The following MACROD2 variants were observed in gnomAD, a reference collection of about 807,000 sequenced individuals.
MACROD2 encodes the protein mono-ADP ribosylhydrolase 2.
In MACROD2, 36 loss-of-function variants were observed where a neutral mutation model predicts 70.4. That is an observed-to-expected ratio of 0.51 (90% CI 0.39 to 0.68). The LOEUF (loss-of-function observed/expected upper bound fraction) is 0.68. MACROD2 is among the 30% of genes least tolerant of loss of function. The pLI is 0.00. For missense variants in MACROD2, 496 were observed against 538.4 expected, an observed-to-expected ratio of 0.92 and a Z score of 0.78; for synonymous variants, 172 against 178.8, an observed-to-expected ratio of 0.96 and a Z score of 0.30.
intron 5 of MACROD2, among the ~76,000 whole-genome samples, chr20:14,860,131 TGTG>T (rs2073298513): frequency 6.6e-6 from 1 of 152,118 alleles, no homozygotes; most frequent in South Asian, 2.1e-4. Flanking sequence ...AGGGAGACCA[TGTG>T]ATAAAACCTT....
intron 8 of MACROD2, among the ~76,000 whole-genome samples, chr20:15,557,823 C>T (rs986008323): frequency 1.3e-5 from 2 of 152,130 alleles, no homozygotes; most frequent in African/African-American, 2.4e-5. Flanking sequence ...TACTGAACTC[C>T]AGCAGATTAC....
chr20:14,174,767 C>T (rs906509017), intron 3 of MACROD2, among the ~76,000 whole-genome samples: 1 of 152,162 alleles, frequency 6.6e-6, no homozygotes, highest in African/African-American at 2.4e-5. Flanking sequence ...GGTCTTTTCC[C>T]AGTTCCTTTG....
At chr20:14,184,418 T>A (rs1486383552) in intron 3 of MACROD2, among the ~76,000 whole-genome samples, 1 of 152,184 alleles carries the variant, frequency 6.6e-6, no homozygotes, top group African/African-American at 2.4e-5. Flanking sequence ...CATGCTGTTT[T>A]GGTTATTGTA....
chr20:15,274,237 C>T (rs998931439), intron 6 of MACROD2, among the ~76,000 whole-genome samples: 1 of 152,160 alleles, frequency 6.6e-6, no homozygotes, highest in Non-Finnish European at 1.5e-5. Flanking sequence ...AGGATGAGAG[C>T]TCAGTTGCAA....
intron 15 of MACROD2, among the ~76,000 whole-genome samples, chr20:16,009,785 A>G (rs6080086): frequency 0.18 from 26,631 of 152,072 alleles, 2,342 homozygotes; most frequent in East Asian, 0.25. Context: ...AAAGCATAAT[A>G]TGGAGCAGGA....
At chr20:15,044,494 T>G (rs1193501355) in intron 5 of MACROD2, among the ~76,000 whole-genome samples, 1 of 152,112 alleles carries the variant, frequency 6.6e-6, no homozygotes, top group African/African-American at 2.4e-5. Flanking sequence ...GACCCACTCT[T>G]CCCATCTTTC....
At chr20:14,522,031 TCC>T (rs1568652373) in intron 4 of MACROD2, among the ~76,000 whole-genome samples, 1 of 152,128 alleles carries the variant, frequency 6.6e-6, no homozygotes, top group Admixed American at 6.5e-5. Flanking sequence ...AATGAAGCCT[TCC>T]CGTCGAAGCC....
chr20:15,646,878 AGT>A (rs1181705292), intron 8 of MACROD2, among the ~76,000 whole-genome samples: 1 of 152,162 alleles, frequency 6.6e-6, no homozygotes, highest in Non-Finnish European at 1.5e-5. Context: ...TAAATTACTC[AGT>A]GTCAGGCAGT....
intron 5 of MACROD2, among the ~76,000 whole-genome samples, chr20:14,811,317 C>G (rs1409983427): frequency 1.3e-5 from 2 of 151,930 alleles, no homozygotes; most frequent in African/African-American, 4.8e-5. Context: ...TCACAAACCT[C>G]ACAAAAACAA....
intron 4 of MACROD2, among the ~76,000 whole-genome samples, chr20:14,527,371 G>T (rs1251497764): frequency 6.6e-6 from 1 of 152,244 alleles, no homozygotes; most frequent in South Asian, 2.1e-4. Flanking sequence ...GTCCATACGG[G>T]TGGAACCCTA....
At chr20:15,173,926 C>A (rs140179991) in intron 5 of MACROD2, among the ~76,000 whole-genome samples, 115 of 152,256 alleles carry the variant, frequency 7.6e-4, no homozygotes, top group Middle Eastern at 3.4e-3. Flanking sequence ...GAAGCATAGA[C>A]TTCGAGATAA....
chr20:14,015,432 A>G (rs1023763131), intron 2 of MACROD2, among the ~76,000 whole-genome samples: 4 of 152,150 alleles, frequency 2.6e-5, no homozygotes, highest in Non-Finnish European at 5.9e-5. Flanking sequence ...GAACATTCAA[A>G]AAAAACTGGT....
At chr20:15,515,590 A>G (rs1300330044) in intron 8 of MACROD2, among the ~76,000 whole-genome samples, 4 of 152,230 alleles carry the variant, frequency 2.6e-5, no homozygotes, top group Non-Finnish European at 1.5e-5. Flanking sequence ...TCATCCATGC[A>G]TTGTTTTTGT....
At chr20:14,045,965 A>G (rs1457012031) in intron 2 of MACROD2, among the ~76,000 whole-genome samples, 2 of 152,242 alleles carry the variant, frequency 1.3e-5, no homozygotes, top group East Asian at 3.8e-4. Context: ...AAGAAAGCCC[A>G]GATACGGAAA....
intron 4 of MACROD2, among the ~76,000 whole-genome samples, chr20:14,564,307 T>A (rs1254877031): frequency 6.6e-6 from 1 of 151,892 alleles, no homozygotes; most frequent in Non-Finnish European, 1.5e-5. Flanking sequence ...AGTTTATGAC[T>A]AAGTCCTCAG....
At chr20:14,174,530 G>A (rs2081248117) in intron 3 of MACROD2, among the ~76,000 whole-genome samples, 1 of 152,122 alleles carries the variant, frequency 6.6e-6, no homozygotes, top group Admixed American at 6.5e-5. Flanking sequence ...CCCTCCAACA[G>A]CACTGAGTTT....
chr20:15,751,878 G>GT (rs11438983), intron 8 of MACROD2, among the ~76,000 whole-genome samples: 5,133 of 146,382 alleles, frequency 0.035, 104 homozygotes, highest in South Asian at 0.085. Context: ...TATGTCAGAG[G>GT]TTTTTTTTTT....
chr20:15,386,306 T>C (rs1384157595), intron 6 of MACROD2, among the ~76,000 whole-genome samples: 2 of 152,238 alleles, frequency 1.3e-5, no homozygotes, highest in African/African-American at 2.4e-5. Flanking sequence ...TAGCTCGTTT[T>C]CGTCTATATT....
chr20:14,731,645 G>A (rs1233801498), intron 5 of MACROD2, among the ~76,000 whole-genome samples: 1 of 152,044 alleles, frequency 6.6e-6, no homozygotes, highest in African/African-American at 2.4e-5. Flanking sequence ...TGTGGTGTGG[G>A]GACCTCTGGA....
Sources: allele counts gnomAD v4.1 joint callset (sites outside exome capture counted in the v4.1 genomes callset), GRCh38; gene constraint gnomAD v4.1.1; transcripts MANE v1.5; gene names NCBI Gene and HGNC (gene_info 2026-07-23, HGNC 2026-07-21).